Variants in TUSC3 observed in about 807,000 individuals in gnomAD.
The protein encoded by TUSC3 is tumor suppressor candidate 3, also known as dolichyl-diphosphooligosaccharide--protein glycosyltransferase subunit TUSC3.
In TUSC3, 45 loss-of-function variants were observed where a neutral mutation model predicts 44.8. The observed-to-expected ratio is 1.00, with a 90% CI of 0.79 to 1.29. The LOEUF is 1.29. Among genes scored for constraint, TUSC3 ranks in the 50% most tolerant of loss-of-function variants. The pLI is 0.00. For missense variants in TUSC3, 519 were observed against 437.9 expected (o/e 1.19, Z -1.65); for synonymous variants, 212 against 152.9 (o/e 1.39, Z -2.85).
chr8:15,438,375 C>T (rs779064834), intron 1 of TUSC3, among the ~76,000 whole-genome samples: 1 of 152,192 alleles, frequency 6.6e-6, no homozygotes. Context: ...GGATTACAGG[C>T]GTGAGCCACC....
the TUSC3 span, among the ~76,000 whole-genome samples, chr8:15,821,641 C>T: frequency 2.0e-5 from 3 of 151,744 alleles, no homozygotes; most frequent in Non-Finnish European, 4.4e-5. Flanking sequence ...GTGACTAAAA[C>T]CTCTCATTGA....
intron 1 of TUSC3, among the ~76,000 whole-genome samples, chr8:15,432,053 C>T (rs1180487600): frequency 6.6e-6 from 1 of 151,684 alleles, no homozygotes; most frequent in East Asian, 1.9e-4. Flanking sequence ...CTGTGTTCAT[C>T]AGGGATATTG....
At chr8:15,761,252 G>A (rs995939111) in intron 10 of TUSC3, among the ~76,000 whole-genome samples, 4 of 152,126 alleles carry the variant, frequency 2.6e-5, no homozygotes, top group African/African-American at 9.7e-5. Flanking sequence ...TCTAAATTGT[G>A]GTTTTCTACC....
the TUSC3 span, among the ~76,000 whole-genome samples, chr8:15,839,333 AATGGAATACCCTTTAT>A: frequency 7.4e-3 from 1,133 of 152,208 alleles, 28 homozygotes; most frequent in African/African-American, 0.026. Context: ...CTCTTTTCCT[AATGGAATACCCTTTAT>A]TTCTTTCTCC....
At chr8:15,595,774 A>G (rs1222481047) in intron 1 of TUSC3, among the ~76,000 whole-genome samples, 2 of 152,208 alleles carry the variant, frequency 1.3e-5, no homozygotes, top group Admixed American at 6.6e-5. Flanking sequence ...GATTTTCTCA[A>G]AAATTCAAGA....
intron 2 of TUSC3, among the ~76,000 whole-genome samples, chr8:15,485,464 C>CTTTTTTTTTTTTTTT (rs11372919): frequency 1.5e-5 from 2 of 135,236 alleles, no homozygotes. Flanking sequence ...ACTCTGTTGT[C>CTTTTTTTTTTTTTTT]TTTTTTTTTT....
At chr8:15,450,298 T>G (rs1800176970) in intron 1 of TUSC3, among the ~76,000 whole-genome samples, 1 of 152,196 alleles carries the variant, frequency 6.6e-6, no homozygotes, top group Admixed American at 6.5e-5. Context: ...AAATAATGAT[T>G]CAGAAAACTG....
At chr8:15,723,882 T>G (rs957253264) in intron 6 of TUSC3, among the ~76,000 whole-genome samples, 1 of 152,120 alleles carries the variant, frequency 6.6e-6, no homozygotes, top group African/African-American at 2.4e-5. Flanking sequence ...ATGACTACAT[T>G]CCCACTAGCT....
chr8:15,568,333 A>G (rs1014338987), intron 1 of TUSC3, among the ~76,000 whole-genome samples: 8 of 152,160 alleles, frequency 5.3e-5, no homozygotes, highest in Non-Finnish European at 1.2e-4. Context: ...AAATAAACAA[A>G]ATGTATAAAA....
At chr8:15,537,638 T>G (rs1801543252), upstream of TUSC3, among the ~76,000 whole-genome samples, 1 of 152,132 alleles carries the variant, frequency 6.6e-6, no homozygotes, top group Admixed American at 6.5e-5. Flanking sequence ...AACAAATCCC[T>G]AGGACCCTGT....
At chr8:15,563,607 A>T (rs1198805232) in intron 1 of TUSC3, among the ~76,000 whole-genome samples, 1 of 147,574 alleles carries the variant, frequency 6.8e-6, no homozygotes, top group Admixed American at 6.9e-5. Flanking sequence ...AATTGCTTGA[A>T]CCGGGGAGGC....
At chr8:15,759,009 A>C (rs181878093) in intron 10 of TUSC3, among the ~76,000 whole-genome samples, 1 of 152,254 alleles carries the variant, frequency 6.6e-6, no homozygotes, top group African/African-American at 2.4e-5. Context: ...GAGCCCCAGG[A>C]CTTTTGGCTA....
chr8:15,649,022 A>G (rs993880803), intron 2 of TUSC3, among the ~76,000 whole-genome samples: 1 of 152,082 alleles, frequency 6.6e-6, no homozygotes, highest in Non-Finnish European at 1.5e-5. Context: ...GTTAGCTTGC[A>G]TTATATATGT....
intron 9 of TUSC3, among the ~76,000 whole-genome samples, chr8:15,755,143 A>C (rs1397334073): frequency 2.0e-5 from 3 of 152,160 alleles, no homozygotes; most frequent in Non-Finnish European, 2.9e-5. Flanking sequence ...TTTAATAGGC[A>C]AACTTCCCTG....
intron 1 of TUSC3, among the ~76,000 whole-genome samples, chr8:15,561,289 G>C (rs1464692791): frequency 3.4e-5 from 5 of 148,026 alleles, no homozygotes; most frequent in Admixed American, 6.8e-5. Flanking sequence ...TGCCCCTGCT[G>C]GGGGGTGCCT....
intron 1 of TUSC3, among the ~76,000 whole-genome samples, chr8:15,569,513 A>G (rs1036250157): frequency 2.0e-5 from 3 of 152,146 alleles, no homozygotes; most frequent in African/African-American, 7.2e-5. Context: ...CTGGGCAAAG[A>G]TAATAGCTTA....
In TUSC3 at chr8:15,555,800, T is replaced by G. The variant is rs949214695; in HGVS notation, c.138+15232T>G. Among the ~76,000 whole-genome samples the G allele has an allele frequency of 9.2e-5, 14 of 151,690 alleles. No homozygotes were observed. The South Asian group carries it at 2.9e-3, about 32-fold the overall frequency. ...TGATCATTTATTCTAAGGAGGCTTT[T>G]GTTTAGAAGTATTAACTTTAGGTAA... is the stretch of plus-strand genomic sequence containing the variant. On this transcript the variant is annotated intron_variant, in intron 1 of 10. Transcript: ENST00000503731.
At chr8:15,707,500 C>T (rs1809664574) in intron 6 of TUSC3, among the ~76,000 whole-genome samples, 1 of 151,920 alleles carries the variant, frequency 6.6e-6, no homozygotes, top group South Asian at 2.1e-4. Flanking sequence ...GAAATCAAAG[C>T]ACAAGTCATT....
chr8:15,699,116 A>C (rs1809291287), intron 6 of TUSC3, among the ~76,000 whole-genome samples: 1 of 152,190 alleles, frequency 6.6e-6, no homozygotes, highest in Non-Finnish European at 1.5e-5. Context: ...CCAAAGTACC[A>C]GGATTACAGA....
Sources: allele counts gnomAD v4.1 joint callset (sites outside exome capture counted in the v4.1 genomes callset), GRCh38; gene constraint gnomAD v4.1.1; transcripts MANE v1.5; gene names NCBI Gene and HGNC (gene_info 2026-07-23, HGNC 2026-07-21).